Variants in EXOC1 observed in about 807,000 individuals in gnomAD.
The protein encoded by EXOC1 is exocyst complex component 1.
A neutral mutation model predicts 107.7 loss-of-function variants in EXOC1; 67 were observed. That is an observed-to-expected ratio of 0.62 (90% confidence interval 0.51 to 0.76). EXOC1 has a LOEUF of 0.76. Ranked by LOEUF, EXOC1 falls within the 30% of genes least tolerant of loss-of-function variation. EXOC1 has a pLI of 0.00. For missense variants in EXOC1, 833 were observed against 1,055.7 expected (o/e 0.79, Z 2.92); for synonymous variants, 348 against 353.5 (o/e 0.98, Z 0.17).
rs182018041 is a variant in EXOC1 at position 55,854,741 on chromosome 4, C to G, written c.-11+788C>G. On this transcript the variant is annotated intron_variant, in intron 1 of 18. Coordinates refer to ENST00000381295, the MANE Select transcript of EXOC1 (RefSeq NM_001024924.2). ...TTGCCTCTTACTGTACACTCAGTTG[C>G]TTTTAGCCAGAGAAGGAGTATGTGG... 4.3e-3 allele frequency among the ~76,000 whole-genome samples: 653 copies of G among 152,302 alleles called. 1 individual carries two copies. The highest frequency in any genetic ancestry group is 0.01 in the Middle Eastern group (3 of 294).
intron 2 of EXOC1, 62 bp downstream of exon 2, chr4:55,858,509 C>T (rs1721192391): frequency 6.9e-7 from 1 of 1,459,430 alleles, no homozygotes; most frequent in African/African-American, 1.4e-5. Context: ...AAGATATTTC[C>T]TCTTTGTTTT....
chr4:55,868,431 A>G lies in EXOC1; in HGVS notation c.511A>G (p.Ile171Val). ...QELNAREEQD[I>V]EIMMEGCEYA... is the part of the protein sequence containing the mutation. The stretch of plus-strand genomic sequence containing the variant: ...GTTAAATGCAAGAGAAGAACAGGAT[A>G]TCGAAATAATGATGGAAGGCTGTGA... Residue 171 changes from isoleucine (I) to valine (V), a missense_variant, in exon 5 of 19, where the codon ATC becomes GTC. Transcript: ENST00000381295. 1 of 1,613,836 alleles carries G rather than the reference A, an allele frequency of 6.2e-7. No homozygotes were observed. The highest frequency in any genetic ancestry group is 8.5e-7 in the Non-Finnish European group (1 of 1,179,802).
At chr4:55,869,296 A>G (rs1722224907) in intron 5 of EXOC1, among the ~76,000 whole-genome samples, 2 of 152,182 alleles carry the variant, frequency 1.3e-5, no homozygotes, top group South Asian at 4.1e-4. Context: ...AACCTGGAAG[A>G]CAGAGGTTGC....
At chr4:55,857,390 G>A (rs887892309) in intron 1 of EXOC1, among the ~76,000 whole-genome samples, 17 of 151,430 alleles carry the variant, frequency 1.1e-4, no homozygotes, top group Admixed American at 7.2e-4. Context: ...CCGTGGTCTC[G>A]ATCTCCTGAC....
chr4:55,898,181 C>T lies in EXOC1; in HGVS notation c.2137+1281C>T, dbSNP rs576907830. On this transcript the variant is annotated intron_variant, in intron 16 of 18. Transcript: ENST00000381295. ...CTGAGGCAGGAGAATCATTTGAGCTCAGGAGGTCAAGGCTGCAGTGAGCCT... is the reference window on the plus strand; with the variant it reads ...CTGAGGCAGGAGAATCATTTGAGCTTAGGAGGTCAAGGCTGCAGTGAGCCT... Among the ~76,000 whole-genome samples the T allele has an allele frequency of 2.0e-5, 3 of 152,252 alleles. No homozygotes were observed. In the East Asian group the frequency reaches 5.8e-4, roughly 29 times the overall value.
At chr4:55,886,575 C>CAAAAAAAAAAAAAAAAAAAAAAAA (rs71832369) in intron 10 of EXOC1, among the ~76,000 whole-genome samples, 2 of 96,234 alleles carry the variant, frequency 2.1e-5, no homozygotes, top group Non-Finnish European at 2.3e-5. Context: ...AACAAAAAAA[C>CAAAAAAAAAAAAAAAAAAAAAAAA]AAAAAAAAAA....
intron 3 of EXOC1, among the ~76,000 whole-genome samples, chr4:55,863,905 T>G (rs1387676097): frequency 6.6e-6 from 1 of 152,174 alleles, no homozygotes; most frequent in Non-Finnish European, 1.5e-5. Context: ...TAGGTCCATG[T>G]CAAAGCTAGA....
intron 18 of EXOC1, among the ~76,000 whole-genome samples, chr4:55,903,050 A>G (rs891712371): frequency 6.6e-6 from 1 of 151,732 alleles, no homozygotes; most frequent in Non-Finnish European, 1.5e-5. Context: ...AAGCTGAGGC[A>G]GGAGGATCAC....
At chr4:55,877,525 G>A in intron 8 of EXOC1, 3 of 985,012 alleles carry the variant, frequency 3.0e-6, no homozygotes, top group Non-Finnish European at 3.6e-6. Context: ...AATGTAGACT[G>A]TTTTGAATGA....
At chr4:55,896,090 G>C (rs1279066509) in intron 15 of EXOC1, among the ~76,000 whole-genome samples, 1 of 152,176 alleles carries the variant, frequency 6.6e-6, no homozygotes, top group Non-Finnish European at 1.5e-5. Context: ...GTAGAAATGT[G>C]TGTTGACTGT....
chr4:55,863,829 A>G (rs989247450), intron 3 of EXOC1, among the ~76,000 whole-genome samples: 10 of 152,212 alleles, frequency 6.6e-5, no homozygotes, highest in African/African-American at 2.4e-4. Context: ...TTACAGTTTC[A>G]AATAGTAGTA....
At chr4:55,869,000 T>A (rs985674043) in intron 5 of EXOC1, among the ~76,000 whole-genome samples, 12 of 152,114 alleles carry the variant, frequency 7.9e-5, no homozygotes, top group African/African-American at 2.9e-4. Context: ...GAGAAAAAGA[T>A]CTGTGACTTC....
At chr4:55,859,190 A>G (rs1721255443) in intron 2 of EXOC1, among the ~76,000 whole-genome samples, 1 of 152,128 alleles carries the variant, frequency 6.6e-6, no homozygotes, top group Non-Finnish European at 1.5e-5. Context: ...TTTGATTGGA[A>G]TTGTTTTGAA....
intron 3 of EXOC1, among the ~76,000 whole-genome samples, chr4:55,862,679 G>A (rs1470914984): frequency 6.6e-6 from 1 of 152,048 alleles, no homozygotes; most frequent in African/African-American, 2.4e-5. Context: ...TATGATTGTT[G>A]TACCAAAGGT....
At chr4:55,886,476 C>T (rs549091075) in intron 10 of EXOC1, among the ~76,000 whole-genome samples, 95 of 151,518 alleles carry the variant, frequency 6.3e-4, no homozygotes, top group Middle Eastern at 3.4e-3. Flanking sequence ...TCACTTGAGC[C>T]TGAGAGGTCA....
chr4:55,896,574 A>G (rs1036765738), intron 15 of EXOC1, 143 bp from the exon 16 acceptor site: 2 of 532,882 alleles, frequency 3.8e-6, no homozygotes, highest in Non-Finnish European at 3.0e-6. Flanking sequence ...TAAGCATCCA[A>G]AGTGTTCTAG....
In EXOC1 at chr4:55,860,422, C is replaced by T. The variant is rs779339310; in HGVS notation, c.136C>T (p.Arg46Cys). 15 of 1,613,506 alleles carry T rather than the reference C, an allele frequency of 9.3e-6. No individual in the cohort carries two copies. The highest frequency in any genetic ancestry group is 6.7e-5 in the African/African-American group (5 of 74,872). The change falls in exon 3 of 19, where the codon CGC becomes TGC. Residue 46 changes from arginine (R) to cysteine (C), a missense_variant. Arg to Cys is a radical substitution (Grantham distance 180). Coordinates refer to ENST00000381295, the MANE Select transcript of EXOC1 (RefSeq NM_001024924.2). ...GTTTTACTCAACAGTGACAACTGAACGCCCTGTGCAGGTTAAGGTGGTCAA... is the reference window on the plus strand; with the variant it reads ...GTTTTACTCAACAGTGACAACTGAATGCCCTGTGCAGGTTAAGGTGGTCAA... The part of the protein sequence containing the change: ...CFLCATVTTE[R>C]PVQVKVVKVK...
chr4:55,886,183 C>T (rs907775985), intron 10 of EXOC1, among the ~76,000 whole-genome samples: 1 of 152,096 alleles, frequency 6.6e-6, no homozygotes, highest in Admixed American at 6.5e-5. Context: ...TAGGCTAGGC[C>T]TCTGGTGTTC....
At chr4:55,866,781 T>C (rs1721998990) in intron 4 of EXOC1, 1 of 717,490 alleles carries the variant, frequency 1.4e-6, no homozygotes, top group Admixed American at 6.3e-5. Context: ...ATATGGGTAG[T>C]ATTTTAAAAA....
Sources: allele counts gnomAD v4.1 joint callset (sites outside exome capture counted in the v4.1 genomes callset), GRCh38; gene constraint gnomAD v4.1.1; transcripts MANE v1.5; gene names NCBI Gene and HGNC (gene_info 2026-07-23, HGNC 2026-07-21).